SYN3: variants seen among roughly 807,000 people sequenced by gnomAD.
SYN3 encodes synapsin III, also known as synapsin-3.
SYN3 carries 35 observed loss-of-function variants against 65.8 expected under a neutral mutation model. The observed-to-expected ratio is 0.53, with a 90% confidence interval of 0.41 to 0.70. The LOEUF (loss-of-function observed/expected upper bound fraction) is 0.70. Ranked by LOEUF, SYN3 falls within the 30% of genes least tolerant of loss-of-function variation. The probability of loss-of-function intolerance (pLI) is 0.00; values close to 1 mark genes in which losing one functional copy is unlikely to be tolerated. For missense variants in SYN3, 680 were observed against 749.0 expected, an observed-to-expected ratio of 0.91 and a Z score of 1.08; for synonymous variants, 270 against 292.9, an observed-to-expected ratio of 0.92 and a Z score of 0.80.
chr22:32,881,964 G>A (rs2049152335), intron 4 of SYN3, among the ~76,000 whole-genome samples: 1 of 152,000 alleles, frequency 6.6e-6, no homozygotes, highest in African/African-American at 2.4e-5. Context: ...CTGAGGCAGG[G>A]GAATCACTTG....
intron 2 of SYN3, among the ~76,000 whole-genome samples, chr22:32,997,808 C>T (rs1601872121): frequency 2.0e-5 from 3 of 152,140 alleles, no homozygotes; most frequent in East Asian, 1.9e-4. Flanking sequence ...GGGCAGATCA[C>T]GAGGTCAGGA....
chr22:32,843,276 C>T (rs946360702), intron 6 of SYN3, among the ~76,000 whole-genome samples: 2 of 152,228 alleles, frequency 1.3e-5, no homozygotes, highest in African/African-American at 4.8e-5. Flanking sequence ...TGGTTGTTAT[C>T]AGTATGTTCT....
intron 3 of SYN3, among the ~76,000 whole-genome samples, chr22:32,962,152 T>G (rs978203210): frequency 1.5e-5 from 2 of 131,436 alleles, no homozygotes; most frequent in Non-Finnish European, 3.2e-5. Flanking sequence ...TTTTTTTTTT[T>G]TTGAGACAGA....
intron 6 of SYN3, among the ~76,000 whole-genome samples, chr22:32,604,587 G>A (rs1191131920): frequency 6.6e-6 from 1 of 151,664 alleles, no homozygotes; most frequent in Non-Finnish European, 1.5e-5. Context: ...TCATACTCAT[G>A]TCTCCGCTGA....
intron 1 of SYN3, among the ~76,000 whole-genome samples, chr22:33,032,783 C>A (rs1294830089): frequency 1.3e-5 from 2 of 152,142 alleles, no homozygotes; most frequent in African/African-American, 2.4e-5. Flanking sequence ...ATCTCTAAAA[C>A]CCATCTATGA....
chr22:32,612,483 T>G (rs2059458566), intron 6 of SYN3, among the ~76,000 whole-genome samples: 1 of 152,110 alleles, frequency 6.6e-6, no homozygotes, highest in South Asian at 2.1e-4. Context: ...ACCCACATAT[T>G]TAGTGTCAGA....
intron 6 of SYN3, among the ~76,000 whole-genome samples, chr22:32,636,302 C>T (rs570388833): frequency 4.0e-5 from 6 of 150,936 alleles, no homozygotes; most frequent in Admixed American, 3.3e-4. Context: ...CTCTGGAAGC[C>T]GAGGCAGGAG....
In SYN3 at chr22:33,045,256, A is replaced by G. The variant is rs938604580; in HGVS notation, c.-163+13036T>C. Among the ~76,000 whole-genome samples, 5 of 152,250 alleles carry G rather than the reference A, an allele frequency of 3.3e-5. 1 individual carries two copies. The highest frequency in any genetic ancestry group is 3.9e-4 in the East Asian group (2 of 5,158). ...CCTCTGCTCCCCTGATACTTTGCAC[A>G]TGACCTGTGACAGCACACCTGGCTG... On this transcript the variant is annotated intron_variant, in intron 1 of 13. Transcript: ENST00000358763.
chr22:32,952,533 T>C (rs974818375), intron 3 of SYN3, among the ~76,000 whole-genome samples: 5 of 152,018 alleles, frequency 3.3e-5, no homozygotes, highest in Admixed American at 6.5e-5. Flanking sequence ...GGCAGGAGGA[T>C]TGCTTGAGCC....
intron 10 of SYN3, among the ~76,000 whole-genome samples, chr22:32,532,285 TG>T (rs1325908743): frequency 6.6e-6 from 1 of 152,292 alleles, no homozygotes; most frequent in Non-Finnish European, 1.5e-5. Context: ...CAGGAGGACC[TG>T]GTGGGGTCTC....
At chr22:33,041,288 CTCTT>C (rs1372903638) in intron 1 of SYN3, among the ~76,000 whole-genome samples, 2 of 143,070 alleles carry the variant, frequency 1.4e-5, no homozygotes, top group African/African-American at 5.3e-5. Context: ...GCACTAGGAA[CTCTT>C]TCTTTTTTTT....
At chr22:32,985,510 C>T (rs2052499319) in intron 2 of SYN3, among the ~76,000 whole-genome samples, 1 of 152,132 alleles carries the variant, frequency 6.6e-6, no homozygotes, top group Non-Finnish European at 1.5e-5. Context: ...TCATGCCAAC[C>T]CTGAGGGGTG....
intron 1 of SYN3, among the ~76,000 whole-genome samples, chr22:33,052,596 AAGAG>A (rs1346158327): frequency 6.6e-6 from 1 of 151,562 alleles, no homozygotes; most frequent in Non-Finnish European, 1.5e-5. Flanking sequence ...AAAAAAAAAA[AAGAG>A]AGAGAGAGAG....
chr22:32,931,376 T>G lies in SYN3; in HGVS notation c.461+14A>C. ...CAATTCTCAGAAGGTTCTGCATATT[T>G]TAATCCTACTTACCTCACCACTTTG... is the stretch of plus-strand genomic sequence containing the variant. On this transcript the variant is annotated intron_variant, in intron 4 of 13. Transcript: ENST00000358763. The G allele has an allele frequency of 6.3e-7, 1 of 1,585,128 alleles. No homozygotes were observed. Among genetic ancestry groups the G allele is most frequent in the Non-Finnish European group, 8.7e-7 (1 of 1,153,792 alleles).
At chr22:32,933,237 C>T (rs2050683564) in intron 3 of SYN3, among the ~76,000 whole-genome samples, 1 of 152,194 alleles carries the variant, frequency 6.6e-6, no homozygotes, top group Non-Finnish European at 1.5e-5. Flanking sequence ...TAACCACTCA[C>T]ATGTATGAAG....
chr22:32,884,083 A>C (rs1315553163), intron 4 of SYN3, among the ~76,000 whole-genome samples: 1 of 152,234 alleles, frequency 6.6e-6, no homozygotes, highest in African/African-American at 2.4e-5. Context: ...CATACCAGCC[A>C]AGAAACACGT....
chr22:32,539,026 A>G (rs1369273650), intron 8 of SYN3, among the ~76,000 whole-genome samples: 1 of 152,146 alleles, frequency 6.6e-6, no homozygotes, highest in Non-Finnish European at 1.5e-5. Context: ...TCTATCACTA[A>G]TGATGCATCT....
chr22:32,703,875 A>C (rs554977925), intron 6 of SYN3, among the ~76,000 whole-genome samples: 1 of 152,280 alleles, frequency 6.6e-6, no homozygotes, highest in South Asian at 2.1e-4. Flanking sequence ...ATTTTTGATA[A>C]AAATCATTGA....
rs1382150685 is a variant in SYN3, at chr22:32,914,366, G to A, written c.461+17024C>T. ...CCACTTTTGGGGTAACCTCAGGCAAGTTATTTGGCTACTCTGTGACTCAGT... is the reference window on the plus strand; with the variant it reads ...CCACTTTTGGGGTAACCTCAGGCAAATTATTTGGCTACTCTGTGACTCAGT... On this transcript the variant is annotated intron_variant, in intron 4 of 13. Coordinates refer to ENST00000358763, the MANE Select transcript of SYN3 (RefSeq NM_003490.4). Among the ~76,000 whole-genome samples the A allele has an allele frequency of 2.0e-5, 3 of 151,722 alleles. No individual in the cohort carries two copies. In the East Asian group the frequency reaches 5.8e-4, roughly 29 times the overall value.
Sources: allele counts gnomAD v4.1 joint callset (sites outside exome capture counted in the v4.1 genomes callset), GRCh38; gene constraint gnomAD v4.1.1; transcripts MANE v1.5; gene names NCBI Gene and HGNC (gene_info 2026-07-23, HGNC 2026-07-21).